The following GRIN3A variants were observed in gnomAD, a reference collection of about 807,000 sequenced individuals.
The protein encoded by GRIN3A is glutamate ionotropic receptor NMDA type subunit 3A, also known as glutamate receptor ionotropic, NMDA 3A.
A neutral mutation model predicts 92.4 loss-of-function variants in GRIN3A; 47 were observed. That is an observed-to-expected ratio of 0.51 (90% CI 0.40 to 0.65). The LOEUF (loss-of-function observed/expected upper bound fraction) is 0.65. Ranked by LOEUF, GRIN3A falls within the 30% of genes least tolerant of loss-of-function variation. GRIN3A has a pLI of 0.00. For missense variants in GRIN3A, 1,324 were observed against 1,393.1 expected, an observed-to-expected ratio of 0.95 and a Z score of 0.79; for synonymous variants, 527 against 540.6, an observed-to-expected ratio of 0.97 and a Z score of 0.35.
intron 2 of GRIN3A, among the ~76,000 whole-genome samples, chr9:101,679,032 C>G (rs1829435580): frequency 6.6e-6 from 1 of 152,188 alleles, no homozygotes. Flanking sequence ...TTCATTCTGG[C>G]TCTTTGGATC....
intron 1 of GRIN3A, among the ~76,000 whole-genome samples, chr9:101,715,200 T>TA (rs5899459): frequency 0.054 from 6,855 of 127,602 alleles, 215 homozygotes; most frequent in Admixed American, 0.089. Flanking sequence ...ACAAAAATGG[T>TA]AAAAAAAAAA....
chr9:101,676,540 G>A (rs1829397949), intron 2 of GRIN3A, among the ~76,000 whole-genome samples: 1 of 151,202 alleles, frequency 6.6e-6, no homozygotes, highest in Middle Eastern at 3.4e-3. Flanking sequence ...TACTCATGCT[G>A]CATAAAGCTC....
intron 1 of GRIN3A, among the ~76,000 whole-genome samples, chr9:101,691,795 CAGTAT>C (rs1210274378): frequency 1.1e-4 from 16 of 152,158 alleles, no homozygotes; most frequent in Admixed American, 5.2e-4. Context: ...TTTTGAGAAG[CAGTAT>C]AGAGGTTAGG....
intron 3 of GRIN3A, among the ~76,000 whole-genome samples, chr9:101,649,887 G>A (rs1388248753): frequency 6.6e-6 from 1 of 152,040 alleles, no homozygotes; most frequent in African/African-American, 2.4e-5. Context: ...TCTCAAACAA[G>A]TGTAGTGCAT....
chr9:101,689,743 TACAC>T (rs33984810), intron 1 of GRIN3A, among the ~76,000 whole-genome samples: 1,820 of 143,706 alleles, frequency 0.013, 21 homozygotes, highest in African/African-American at 0.035. Context: ...CACACACACA[TACAC>T]ACACACACAC....
rs140150905 is a variant in GRIN3A at position 101,607,539 on chromosome 9, C to A, written c.2766+5837G>T. Among the ~76,000 whole-genome samples the A allele has an allele frequency of 5.6e-3, 853 of 152,292 alleles. 10 individuals carry two copies. The highest frequency in any genetic ancestry group is 0.019 in the African/African-American group (780 of 41,574). On this transcript the variant is annotated intron_variant, in intron 6 of 8. Coordinates refer to ENST00000361820, the MANE Select transcript of GRIN3A (RefSeq NM_133445.3). ...CCCGGTTCTTCCACACTGTGCCTTGCACTCCACCCCGTGAGCAGGGAGAAG... is the reference window on the plus strand; with the variant it reads ...CCCGGTTCTTCCACACTGTGCCTTGAACTCCACCCCGTGAGCAGGGAGAAG...
chr9:101,575,620 A>T (rs1390975250), intron 8 of GRIN3A, among the ~76,000 whole-genome samples: 4 of 152,216 alleles, frequency 2.6e-5, no homozygotes, highest in Non-Finnish European at 5.9e-5. Context: ...CTACTTCCAT[A>T]TCATGGCCCA....
intron 5 of GRIN3A, among the ~76,000 whole-genome samples, chr9:101,616,117 A>T (rs1186754268): frequency 1.3e-5 from 2 of 152,196 alleles, no homozygotes; most frequent in African/African-American, 4.8e-5. Context: ...CTATTTACTC[A>T]GGGAATATTT....
intron 6 of GRIN3A, among the ~76,000 whole-genome samples, chr9:101,582,924 T>C (rs1215591135): frequency 6.6e-6 from 1 of 152,184 alleles, no homozygotes; most frequent in East Asian, 1.9e-4. Flanking sequence ...GGCCGTATTG[T>C]TTATATTATA....
intron 1 of GRIN3A, among the ~76,000 whole-genome samples, chr9:101,726,170 T>C (rs935456961): frequency 6.6e-6 from 1 of 152,124 alleles, no homozygotes; most frequent in African/African-American, 2.4e-5. Context: ...GGGAAACCAA[T>C]GTGGGTTAAA....
chr9:101,601,577 A>G (rs184849774), intron 6 of GRIN3A, among the ~76,000 whole-genome samples: 6 of 152,326 alleles, frequency 3.9e-5, no homozygotes, highest in Admixed American at 3.9e-4. Flanking sequence ...ATTGTCCCCT[A>G]GTTCGGGAGG....
At chr9:101,660,025 T>C (rs184338305) in intron 3 of GRIN3A, among the ~76,000 whole-genome samples, 7 of 151,938 alleles carry the variant, frequency 4.6e-5, no homozygotes, top group African/African-American at 1.7e-4. Flanking sequence ...GGAAAGAATA[T>C]ACCATTCCCC....
At chr9:101,620,973 T>C (rs1025791504) in intron 5 of GRIN3A, among the ~76,000 whole-genome samples, 5 of 152,246 alleles carry the variant, frequency 3.3e-5, no homozygotes, top group Non-Finnish European at 4.4e-5. Context: ...TTTAAGTTTC[T>C]TGAACTTATT....
At chr9:101,617,831 T>G (rs1828486456) in intron 5 of GRIN3A, among the ~76,000 whole-genome samples, 1 of 127,136 alleles carries the variant, frequency 7.9e-6, no homozygotes, top group Non-Finnish European at 1.6e-5. Flanking sequence ...CAGAGTGTGA[T>G]GTTCCCCTTC....
intron 2 of GRIN3A, among the ~76,000 whole-genome samples, chr9:101,671,898 TCC>T (rs1829331987): frequency 1.3e-5 from 2 of 152,160 alleles, no homozygotes; most frequent in Admixed American, 6.5e-5. Context: ...ATATAGTGAT[TCC>T]TAACCCTGTG....
At chr9:101,706,688 G>A (rs1421325291) in intron 1 of GRIN3A, among the ~76,000 whole-genome samples, 1 of 152,192 alleles carries the variant, frequency 6.6e-6, no homozygotes, top group Non-Finnish European at 1.5e-5. Flanking sequence ...GCACTAGAGT[G>A]TGCTACCAGA....
chr9:101,616,477 CT>C (rs1450328658), intron 5 of GRIN3A, among the ~76,000 whole-genome samples: 2 of 151,956 alleles, frequency 1.3e-5, no homozygotes, highest in African/African-American at 4.8e-5. Context: ...TCTAATCATG[CT>C]TTTGACGTTG....
chr9:101,715,531 G>T (rs1829933869), intron 1 of GRIN3A, among the ~76,000 whole-genome samples: 1 of 152,120 alleles, frequency 6.6e-6, no homozygotes. Context: ...AAGAGTGATT[G>T]TCTCTGGATA....
chr9:101,649,303 A>G (rs956986328), intron 3 of GRIN3A, among the ~76,000 whole-genome samples: 4 of 151,838 alleles, frequency 2.6e-5, no homozygotes, highest in Non-Finnish European at 5.9e-5. Context: ...GCAGCACGGT[A>G]GCATCAGCCA....
Sources: gnomAD v4.1 joint callset for allele counts (sites outside exome capture counted in the v4.1 genomes callset) on GRCh38, gnomAD v4.1.1 for gene constraint, MANE v1.5 for transcripts, NCBI Gene and HGNC (gene_info 2026-07-23, HGNC 2026-07-21) for gene names.